The following DAPK1 variants were observed in gnomAD, a reference collection of about 807,000 sequenced individuals.
The protein encoded by DAPK1 is death associated protein kinase 1.
A neutral mutation model predicts 144.9 loss-of-function variants in DAPK1; 56 were observed. The ratio of observed to expected loss-of-function variants is 0.39; its 90% CI spans 0.31 to 0.48. DAPK1 has a LOEUF of 0.48. DAPK1 is among the 20% of genes least tolerant of loss of function. The probability of loss-of-function intolerance (pLI) is 0.95; values close to 1 mark genes in which losing one functional copy is unlikely to be tolerated. For missense variants in DAPK1, 1,454 were observed against 1,875.4 expected, an observed-to-expected ratio of 0.78 and a Z score of 4.15; for synonymous variants, 690 against 749.0, an observed-to-expected ratio of 0.92 and a Z score of 1.29.
intron 2 of DAPK1, among the ~76,000 whole-genome samples, chr9:87,585,907 C>A (rs2118854980): frequency 6.6e-6 from 1 of 152,290 alleles, no homozygotes; most frequent in Non-Finnish European, 1.5e-5. Context: ...ATGCTTAAAT[C>A]ATAACATTCA....
At chr9:87,625,568 G>A (rs1033813525) in intron 3 of DAPK1, among the ~76,000 whole-genome samples, 4 of 152,224 alleles carry the variant, frequency 2.6e-5, no homozygotes, top group Non-Finnish European at 5.9e-5. Context: ...AGCTCCCAGT[G>A]TAGAGACTTG....
chr9:87,499,543 A>G (rs1824317550), intron 2 of DAPK1, among the ~76,000 whole-genome samples: 2 of 152,248 alleles, frequency 1.3e-5, no homozygotes, highest in African/African-American at 4.8e-5. Flanking sequence ...AAATCTTAGT[A>G]CTTTACCCTC....
intron 2 of DAPK1, among the ~76,000 whole-genome samples, chr9:87,528,938 C>G (rs1454439078): frequency 6.6e-6 from 1 of 151,756 alleles, no homozygotes; most frequent in African/African-American, 2.4e-5. Flanking sequence ...GCACTATATA[C>G]CCTGGTATAT....
Position 87,703,143 on chromosome 9 carries a change from C to G in DAPK1, c.2986C>G (p.Gln996Glu). ...GCTGCAGCAGTTTGTGTACGACGTGCAGGACCAGCTGAACCCCCTGGCCAG... is the reference window on the plus strand; with the variant it reads ...GCTGCAGCAGTTTGTGTACGACGTGGAGGACCAGCTGAACCCCCTGGCCAG... ...MSLQQFVYDV[Q>E]DQLNPLASEE... is the part of the protein sequence containing the mutation. Residue 996 changes from glutamine to glutamate, a missense_variant, in exon 25 of 26, where the codon CAG becomes GAG. This residue lies in a region of DAPK1 where 1,025 missense variants were observed against 1,237.9 expected (regional missense o/e 0.83). Transcript: ENST00000408954. The G allele has an allele frequency of 2.5e-6, 4 of 1,610,182 alleles. No homozygotes were observed. The highest frequency in any genetic ancestry group is 3.4e-6 in the Non-Finnish European group (4 of 1,176,344).
At chr9:87,600,451 G>T (rs923352116) in intron 2 of DAPK1, among the ~76,000 whole-genome samples, 1 of 152,086 alleles carries the variant, frequency 6.6e-6, no homozygotes, top group African/African-American at 2.4e-5. Flanking sequence ...AAATTAGCTG[G>T]GTGTGGTGAT....
chr9:87,637,930 T>A lies in DAPK1; in HGVS notation c.285-13T>A. On this transcript the variant is annotated splice_polypyrimidine_tract_variant and intron_variant, in intron 3 of 25. Coordinates refer to ENST00000408954, the MANE Select transcript of DAPK1 (RefSeq NM_004938.4). ...AGAGTTGTTACCAATAACCTCTGCT[T>A]CCGGGTTCTCAGCGTTGCAGGTGGC... The A allele has an allele frequency of 6.2e-7, 1 of 1,612,798 alleles. No individual in the cohort carries two copies. Among genetic ancestry groups the A allele is most frequent in the Non-Finnish European group, 8.5e-7 (1 of 1,179,036 alleles).
At chr9:87,687,616 C>T (rs1393761456) in intron 21 of DAPK1, among the ~76,000 whole-genome samples, 1 of 152,136 alleles carries the variant, frequency 6.6e-6, no homozygotes, top group Non-Finnish European at 1.5e-5. Flanking sequence ...GTGCACGTAT[C>T]CCTTTGATAT....
chr9:87,625,637 C>T (rs950848942), intron 3 of DAPK1, among the ~76,000 whole-genome samples: 2 of 152,202 alleles, frequency 1.3e-5, no homozygotes, highest in African/African-American at 4.8e-5. Context: ...ATCTGCTGCT[C>T]TGGGCCCACA....
At chr9:87,618,291 G>T (rs7047283) in intron 3 of DAPK1, among the ~76,000 whole-genome samples, 3,694 of 152,300 alleles carry the variant, frequency 0.024, 153 homozygotes, top group African/African-American at 0.083. Context: ...TCAAGTGTTG[G>T]TGGGGATATG....
chr9:87,603,146 G>T (rs1338236555), intron 2 of DAPK1, among the ~76,000 whole-genome samples: 2 of 152,042 alleles, frequency 1.3e-5, no homozygotes, highest in Non-Finnish European at 2.9e-5. Flanking sequence ...CTGCCTGGTG[G>T]GGACACAATA....
At chr9:87,698,933 T>C in intron 23 of DAPK1, 139 bp downstream of exon 23, 2 of 600,102 alleles carry the variant, frequency 3.3e-6, no homozygotes, top group Non-Finnish European at 3.0e-6. Context: ...GTCAACTCTT[T>C]TCTTGTACAG....
At chr9:87,632,047 G>T in intron 3 of DAPK1, 1 of 780,664 alleles carries the variant, frequency 1.3e-6, no homozygotes, top group Non-Finnish European at 1.6e-6. Flanking sequence ...GATGAAGGAG[G>T]ATGAGTATAT....
intron 18 of DAPK1, among the ~76,000 whole-genome samples, chr9:87,667,109 T>C (rs1831087928): frequency 6.6e-6 from 1 of 152,198 alleles, no homozygotes; most frequent in African/African-American, 2.4e-5. Context: ...GGAGAACCCC[T>C]TCTCTTTATG....
intron 2 of DAPK1, among the ~76,000 whole-genome samples, chr9:87,558,284 A>G (rs1826789652): frequency 6.6e-6 from 1 of 152,188 alleles, no homozygotes; most frequent in Admixed American, 6.5e-5. Flanking sequence ...GAAGCATCCC[A>G]GGAGCTATTT....
chr9:87,644,364 GT>G (rs1830199022), intron 11 of DAPK1, among the ~76,000 whole-genome samples: 1 of 152,034 alleles, frequency 6.6e-6, no homozygotes, highest in Non-Finnish European at 1.5e-5. Context: ...GGCAGCCACG[GT>G]TGTCCTGCGG....
intron 3 of DAPK1, among the ~76,000 whole-genome samples, chr9:87,625,420 TG>T (rs1308726233): frequency 3.3e-5 from 5 of 152,204 alleles, no homozygotes; most frequent in Non-Finnish European, 7.3e-5. Context: ...TGCTACCACA[TG>T]GCCAGTCTCC....
rs980257542 is a variant in DAPK1 at position 87,686,135 on chromosome 9, G to A, written c.2225-416G>A. Among the ~76,000 whole-genome samples the A allele has an allele frequency of 1.3e-5, 2 of 152,192 alleles. No individual in the cohort carries two copies. Among genetic ancestry groups the A allele is most frequent in the African/African-American group, 2.4e-5 (1 of 41,430 alleles). On this transcript the variant is annotated intron_variant, in intron 20 of 25. Transcript: ENST00000408954. This position sits in a 1 kb window ranked among gnomAD's most constrained non-coding sequence, Gnocchi z 4.2. The stretch of plus-strand genomic sequence containing the variant: ...ATCTCATGTGCAAGAGAGAGAAGTC[G>A]CTCAGTGGGAGCTGGAGGAAGACAG...
intron 2 of DAPK1, among the ~76,000 whole-genome samples, chr9:87,516,601 T>C (rs1203768838): frequency 6.6e-6 from 1 of 152,204 alleles, no homozygotes; most frequent in Non-Finnish European, 1.5e-5. Flanking sequence ...AACTCCTTGT[T>C]TCTTATTCTC....
At chr9:87,647,706 G>A (rs1004050159) in intron 14 of DAPK1, among the ~76,000 whole-genome samples, 1 of 152,144 alleles carries the variant, frequency 6.6e-6, no homozygotes, top group Non-Finnish European at 1.5e-5. Flanking sequence ...GTCTCGATTC[G>A]ATTTTCTTCC....
Sources: gnomAD v4.1 joint callset for allele counts (sites outside exome capture counted in the v4.1 genomes callset) on GRCh38, gnomAD v4.1.1 for gene constraint, gnomAD v4.1.1 regional missense constraint, Gnocchi (gnomAD v3.1) non-coding constraint, MANE v1.5 for transcripts, NCBI Gene and HGNC (gene_info 2026-07-23, HGNC 2026-07-21) for gene names.